The following CKAP5 variants were observed in gnomAD, a reference collection of about 807,000 sequenced individuals.
The protein encoded by CKAP5 is cytoskeleton-associated protein 5.
A neutral mutation model predicts 232.8 loss-of-function variants in CKAP5; 27 were observed. The ratio of observed to expected loss-of-function variants is 0.12; its 90% confidence interval spans 0.09 to 0.16. CKAP5 has a LOEUF of 0.16. Among genes scored for constraint, CKAP5 ranks in the 10% least tolerant of loss-of-function variants. The probability of loss-of-function intolerance (pLI) is 1.00; values close to 1 mark genes in which losing one functional copy is unlikely to be tolerated. For missense variants in CKAP5, 1,838 were observed against 2,424.7 expected, an observed-to-expected ratio of 0.76 and a Z score of 5.08; for synonymous variants, 785 against 841.1, an observed-to-expected ratio of 0.93 and a Z score of 1.16.
intron 1 of CKAP5, among the ~76,000 whole-genome samples, chr11:46,823,221 C>A (rs763296388): frequency 6.6e-6 from 1 of 152,094 alleles, no homozygotes; most frequent in Non-Finnish European, 1.5e-5. Flanking sequence ...TCCCACTGAT[C>A]GTGAGCCACC....
At chr11:46,825,008 G>A (rs778361002) in intron 1 of CKAP5, among the ~76,000 whole-genome samples, 3 of 152,144 alleles carry the variant, frequency 2.0e-5, no homozygotes, top group Non-Finnish European at 2.9e-5. Flanking sequence ...GTCAGCTAAA[G>A]TAAGTATGTT....
chr11:46,836,967 G>A (rs190274962), intron 1 of CKAP5, among the ~76,000 whole-genome samples: 19 of 152,246 alleles, frequency 1.2e-4, no homozygotes, highest in African/African-American at 4.3e-4. Context: ...CTATGACAAG[G>A]GAATCTATAT....
intron 30 of CKAP5, 82 bp from the exon 31 acceptor site, chr11:46,762,844 GAATAGGGA>G: frequency 6.6e-7 from 1 of 1,505,714 alleles, no homozygotes. Flanking sequence ...TGTTTTGAAA[GAATAGGGA>G]AATAGGGATA....
intron 25 of CKAP5, 160 bp from the exon 26 acceptor site, chr11:46,770,258 C>T (rs2065236411): frequency 1.4e-6 from 1 of 695,504 alleles, no homozygotes; most frequent in Non-Finnish European, 2.4e-6. Flanking sequence ...AAGTCACACA[C>T]ATTATGAAGT....
intron 13 of CKAP5, among the ~76,000 whole-genome samples, chr11:46,793,542 T>C (rs1938791480): frequency 6.6e-6 from 1 of 152,264 alleles, no homozygotes; most frequent in Admixed American, 6.5e-5. Flanking sequence ...ATCAGTAAAA[T>C]GACCAATTGG....
At chr11:46,758,517 G>A (rs1163212442) in intron 35 of CKAP5, among the ~76,000 whole-genome samples, 2 of 152,090 alleles carry the variant, frequency 1.3e-5, no homozygotes, top group African/African-American at 4.8e-5. Flanking sequence ...AGCCTCTGGT[G>A]AATCAATGCA....
chr11:46,787,651 T>C (rs546692329), intron 16 of CKAP5, among the ~76,000 whole-genome samples: 1 of 152,212 alleles, frequency 6.6e-6, no homozygotes, highest in East Asian at 1.9e-4. Context: ...ATTTCTCCCT[T>C]GAATATGTAA....
chr11:46,839,014 G>A (rs763167265), intron 1 of CKAP5, among the ~76,000 whole-genome samples: 56 of 151,936 alleles, frequency 3.7e-4, no homozygotes, highest in Middle Eastern at 3.4e-3. Flanking sequence ...AGGCATTGTT[G>A]AGTCACTGAG....
intron 4 of CKAP5, among the ~76,000 whole-genome samples, chr11:46,815,914 T>C (rs773982858): frequency 3.3e-5 from 5 of 151,882 alleles, no homozygotes; most frequent in Non-Finnish European, 5.9e-5. Context: ...CAACAGGAGG[T>C]GAACAGCTAC....
At chr11:46,771,877 C>A (rs2065250070) in intron 24 of CKAP5, among the ~76,000 whole-genome samples, 1 of 152,070 alleles carries the variant, frequency 6.6e-6, no homozygotes, top group South Asian at 2.1e-4. Context: ...AGTAGTTGTA[C>A]CATTTTACAT....
intron 24 of CKAP5, among the ~76,000 whole-genome samples, chr11:46,775,291 C>G (rs1191018683): frequency 6.6e-6 from 1 of 152,214 alleles, no homozygotes; most frequent in Non-Finnish European, 1.5e-5. Context: ...GATACCATCT[C>G]ACGCCAGTTA....
At chr11:46,762,526 T>C in intron 31 of CKAP5, 101 bp downstream of exon 31, 1 of 1,409,068 alleles carries the variant, frequency 7.1e-7, no homozygotes, top group Non-Finnish European at 1.0e-6. Context: ...TGGAATCAAC[T>C]ACATAGGCAC....
chr11:46,763,445 C>T (rs775180005), intron 29 of CKAP5, 36 bp downstream of exon 29: 2 of 1,540,406 alleles, frequency 1.3e-6, no homozygotes, highest in South Asian at 2.4e-5. Flanking sequence ...TTTTACATGT[C>T]TGAAATACAT....
At chr11:46,789,534 T>A (rs953230226) in intron 15 of CKAP5, among the ~76,000 whole-genome samples, 2 of 152,186 alleles carry the variant, frequency 1.3e-5, no homozygotes, top group Non-Finnish European at 2.9e-5. Context: ...CAGTGGCTCA[T>A]GCCTGTAATC....
chr11:46,841,388 G>C (rs1940048613), intron 1 of CKAP5, among the ~76,000 whole-genome samples: 2 of 152,174 alleles, frequency 1.3e-5, no homozygotes, highest in South Asian at 2.1e-4. Context: ...TGAGGTCACA[G>C]AAGTTTTCTG....
chr11:46,770,114 G>A lies in CKAP5; in HGVS notation c.3187-16C>T. On this transcript the variant is annotated splice_polypyrimidine_tract_variant and intron_variant, in intron 25 of 43. Coordinates refer to ENST00000529230, the MANE Select transcript of CKAP5 (RefSeq NM_001008938.4). ...TAGAAGTTGGCTAGAGAGACAAAATGACATAAAAAGTGAGAGGTCACATAA... is the reference window on the plus strand; with the variant it reads ...TAGAAGTTGGCTAGAGAGACAAAATAACATAAAAAGTGAGAGGTCACATAA... 1 of 1,612,500 alleles carries A rather than the reference G, an allele frequency of 6.2e-7. No individual in the cohort carries two copies. The highest frequency in any genetic ancestry group is 1.1e-5 in the South Asian group (1 of 91,012).
At chr11:46,810,341 C>CA (rs2134672634) in intron 5 of CKAP5, among the ~76,000 whole-genome samples, 1 of 152,138 alleles carries the variant, frequency 6.6e-6, no homozygotes, top group East Asian at 1.9e-4. Context: ...CATTGAGAGA[C>CA]AGGGTCTCAA....
chr11:46,768,591 AT>A (rs917613134), intron 26 of CKAP5, among the ~76,000 whole-genome samples: 38 of 147,934 alleles, frequency 2.6e-4, no homozygotes, highest in East Asian at 7.8e-4. Context: ...CACAGGTAAA[AT>A]TTTTTTTTTT....
At chr11:46,777,790 A>T (rs1286418785) in intron 22 of CKAP5, among the ~76,000 whole-genome samples, 1 of 152,254 alleles carries the variant, frequency 6.6e-6, no homozygotes, top group Non-Finnish European at 1.5e-5. Context: ...AGATCATAGT[A>T]CTTTACAACT....
Sources: allele counts gnomAD v4.1 joint callset (sites outside exome capture counted in the v4.1 genomes callset), GRCh38; gene constraint gnomAD v4.1.1; transcripts MANE v1.5; gene names NCBI Gene and HGNC (gene_info 2026-07-23, HGNC 2026-07-21).